Variants in RANBP2 observed in about 807,000 individuals in gnomAD.
RANBP2 encodes RAN binding protein 2, also known as E3 SUMO-protein ligase RanBP2.
A neutral mutation model predicts 303.6 loss-of-function variants in RANBP2; 57 were observed. The observed-to-expected ratio is 0.19, with a 90% CI of 0.15 to 0.23. RANBP2 has a LOEUF of 0.23. RANBP2 is among the 10% of genes least tolerant of loss of function. The probability of loss-of-function intolerance (pLI) is 1.00; values close to 1 mark genes in which losing one functional copy is unlikely to be tolerated. For synonymous variants in RANBP2, 1,167 were observed against 1,301.5 expected (o/e 0.90, Z 2.23); for missense variants, 3,138 against 3,780.8 (o/e 0.83, Z 4.46).
Position 108,763,435 on chromosome 2 carries a change from G to A in RANBP2, c.2896G>A (p.Val966Ile). ...GGGTGATGATTACTTTAATTACAAT[G>A]TTCAACAGACAAGCACAAATCCACC... ...PRGDDYFNYN[V>I]QQTSTNPPLP... The change falls in exon 20 of 29, where the codon GTT (valine) becomes ATT (isoleucine). Residue 966 changes from valine to isoleucine, a missense_variant. By Grantham distance (29) the Val-to-Ile change is conservative (BLOSUM62 3). This residue lies in a region of RANBP2 where 403 missense variants were observed against 376.7 expected (regional missense o/e 1.07). Coordinates refer to ENST00000283195, the MANE Select transcript of RANBP2 (RefSeq NM_006267.5). 1 of 1,613,976 alleles carries A rather than the reference G, an allele frequency of 6.2e-7. No individual in the cohort carries two copies. The highest frequency in any genetic ancestry group is 8.5e-7 in the Non-Finnish European group (1 of 1,179,970).
chr2:108,994,365 T>C, the RANBP2 span, among the ~76,000 whole-genome samples: 7 of 152,206 alleles, frequency 4.6e-5, no homozygotes, highest in Non-Finnish European at 1.0e-4. Flanking sequence ...ACCTCCATTA[T>C]GTAAGCAGTG....
chr2:109,436,557 G>C, the RANBP2 span, among the ~76,000 whole-genome samples: 1 of 152,258 alleles, frequency 6.6e-6, no homozygotes, highest in Non-Finnish European at 1.5e-5. Flanking sequence ...TGAGTCATCT[G>C]TTCTTTCTGG....
chr2:109,669,889 C>A, the RANBP2 span, among the ~76,000 whole-genome samples: 1 of 143,418 alleles, frequency 7.0e-6, no homozygotes, highest in Non-Finnish European at 1.5e-5. Flanking sequence ...CTGGATAGCA[C>A]CCCCAACCCA....
At chr2:109,501,340 T>C in the RANBP2 span, among the ~76,000 whole-genome samples, 4 of 152,096 alleles carry the variant, frequency 2.6e-5, no homozygotes, top group Admixed American at 2.0e-4. Flanking sequence ...AATGAAAAAT[T>C]TCCAGAGTTT....
intron 25 of RANBP2, among the ~76,000 whole-genome samples, chr2:108,780,118 T>C (rs574412558): frequency 2.3e-4 from 35 of 151,976 alleles, no homozygotes; most frequent in African/African-American, 8.4e-4. Flanking sequence ...TTTGTATCGC[T>C]AAGCATAACA....
the RANBP2 span, among the ~76,000 whole-genome samples, chr2:109,702,482 G>A: frequency 1.3e-5 from 2 of 152,256 alleles, no homozygotes; most frequent in South Asian, 4.1e-4. Context: ...TGGTCTGAAG[G>A]CGTCCTGCAG....
At chr2:109,473,080 C>T in the RANBP2 span, among the ~76,000 whole-genome samples, 1 of 152,178 alleles carries the variant, frequency 6.6e-6, no homozygotes, top group African/African-American at 2.4e-5. Flanking sequence ...GATGCGAGTC[C>T]CAAGAATCTA....
At chr2:109,372,264 C>T in the RANBP2 span, among the ~76,000 whole-genome samples, 11 of 152,292 alleles carry the variant, frequency 7.2e-5, no homozygotes, top group East Asian at 7.7e-4. Context: ...CTAGTGAGTA[C>T]GTTTAGGGTA....
At chr2:109,251,993 A>C in the RANBP2 span, among the ~76,000 whole-genome samples, 3 of 152,204 alleles carry the variant, frequency 2.0e-5, no homozygotes, top group East Asian at 5.8e-4. Context: ...CTATAATCCC[A>C]CCACTTTGGG....
the RANBP2 span, among the ~76,000 whole-genome samples, chr2:109,460,444 G>A: frequency 6.6e-6 from 1 of 152,166 alleles, no homozygotes; most frequent in Non-Finnish European, 1.5e-5. Flanking sequence ...AGCCAGGTTG[G>A]CCATGGTGAG....
chr2:108,771,578 G>C, intron 20 of RANBP2, 123 bp from the exon 21 acceptor site: 2 of 1,478,784 alleles, frequency 1.4e-6, no homozygotes, highest in Non-Finnish European at 1.8e-6. Context: ...CAAAGTATAT[G>C]TGTTTTTTAT....
chr2:109,049,473 C>A, the RANBP2 span, among the ~76,000 whole-genome samples: 3 of 152,154 alleles, frequency 2.0e-5, no homozygotes, highest in African/African-American at 4.8e-5. Context: ...TTCAGAGAAA[C>A]CTTTCAAAGA....
chr2:108,744,446 T>G (rs1696353505), intron 7 of RANBP2, among the ~76,000 whole-genome samples: 1 of 151,770 alleles, frequency 6.6e-6, no homozygotes, highest in Admixed American at 6.6e-5. Flanking sequence ...ATGATTTGAT[T>G]GAGTGGATTC....
the RANBP2 span, chr2:109,667,156 A>AT: frequency 7.6e-7 from 1 of 1,314,490 alleles, no homozygotes. Flanking sequence ...CATAAGAAAC[A>AT]TTTTAATTCA....
At chr2:109,488,600 C>T in the RANBP2 span, among the ~76,000 whole-genome samples, 2 of 152,196 alleles carry the variant, frequency 1.3e-5, no homozygotes, top group Admixed American at 6.5e-5. Flanking sequence ...CGACCCCTCA[C>T]GGTTTCTTCT....
At chr2:109,555,806 C>T in the RANBP2 span, among the ~76,000 whole-genome samples, 2 of 152,198 alleles carry the variant, frequency 1.3e-5, no homozygotes, top group African/African-American at 4.8e-5. Flanking sequence ...TCACTAGAAG[C>T]AGGACGCTCT....
chr2:108,961,369 G>T, the RANBP2 span, among the ~76,000 whole-genome samples: 1 of 152,216 alleles, frequency 6.6e-6, no homozygotes, highest in African/African-American at 2.4e-5. Context: ...ACTCACTCAA[G>T]GGCATCTGGC....
the RANBP2 span, among the ~76,000 whole-genome samples, chr2:109,459,859 T>A: frequency 6.6e-6 from 1 of 152,184 alleles, no homozygotes; most frequent in Admixed American, 6.5e-5. Flanking sequence ...TAATAAGTGG[T>A]GCTTCTCCCA....
intron 12 of RANBP2, 96 bp from the exon 13 acceptor site, chr2:108,752,902 C>G: frequency 1.9e-6 from 3 of 1,604,606 alleles, no homozygotes; most frequent in Non-Finnish European, 1.7e-6. Context: ...TTGGTTTTGA[C>G]TTGAAATTTT....
Sources: allele counts gnomAD v4.1 joint callset (sites outside exome capture counted in the v4.1 genomes callset), GRCh38; gene constraint gnomAD v4.1.1; regional missense constraint gnomAD v4.1.1; transcripts MANE v1.5; gene names NCBI Gene and HGNC (gene_info 2026-07-23, HGNC 2026-07-21).